The following TENM1 variants were observed in gnomAD, a reference collection of about 807,000 sequenced individuals.
The protein encoded by TENM1 is teneurin-1.
TENM1 carries 35 observed loss-of-function variants against 174.8 expected under a neutral mutation model. The observed-to-expected ratio is 0.20, with a 90% confidence interval of 0.15 to 0.27. The LOEUF (loss-of-function observed/expected upper bound fraction) is 0.27, where lower values mean the gene tolerates loss of function less well. Ranked by LOEUF, TENM1 falls within the 10% of genes least tolerant of loss-of-function variation. The pLI, the probability that TENM1 is intolerant of heterozygous loss-of-function variation, is 1.00. For missense variants in TENM1, 1,633 were observed against 2,130.1 expected (o/e 0.77, Z 4.59); for synonymous variants, 781 against 798.7 (o/e 0.98, Z 0.37).
At chrX:124,964,949 A>C (rs778405634), upstream of TENM1, among the ~76,000 whole-genome samples, 1 of 112,275 alleles carries the variant, frequency 8.9e-6, no homozygotes, top group African/African-American at 3.2e-5. Flanking sequence ...TATCATGTAC[A>C]CTATCTCATA....
chrX:124,652,726 C>T (rs753407460), intron 7 of TENM1, among the ~76,000 whole-genome samples: 27 of 111,370 alleles, frequency 2.4e-4, no homozygotes, highest in African/African-American at 7.9e-4. Context: ...TAATTTACTA[C>T]GTTTGTGGGT....
intron 3 of TENM1, among the ~76,000 whole-genome samples, chrX:124,886,522 C>CATATAT (rs3056632): frequency 8.0e-4 from 60 of 74,911 alleles, no homozygotes; most frequent in South Asian, 3.4e-3. Context: ...AAAACATATA[C>CATATAT]ATATATATAT....
chrX:124,721,604 G>C (rs1018791170), intron 4 of TENM1, among the ~76,000 whole-genome samples: 5 of 111,935 alleles, frequency 4.5e-5, no homozygotes, highest in Admixed American at 3.8e-4. Context: ...AAGACAAAAA[G>C]AGATGGCGTG....
the TENM1 span, among the ~76,000 whole-genome samples, chrX:125,064,079 A>C: frequency 9.6e-6 from 1 of 103,687 alleles, no homozygotes; most frequent in Non-Finnish European, 2.0e-5. Context: ...CAAACACCAC[A>C]TGTTCTCACT....
the TENM1 span, among the ~76,000 whole-genome samples, chrX:125,111,828 C>T: frequency 9.0e-6 from 1 of 111,061 alleles, no homozygotes; most frequent in Non-Finnish European, 1.9e-5. Flanking sequence ...AGAAAAGAAT[C>T]GAGAATAACT....
chrX:124,402,249 G>A (rs770608751), intron 27 of TENM1, among the ~76,000 whole-genome samples: 5 of 112,135 alleles, frequency 4.5e-5, no homozygotes, highest in Non-Finnish European at 1.9e-5. Context: ...CTAAACATAT[G>A]TAAATGATTG....
chrX:124,838,326 A>T (rs2056431393), intron 3 of TENM1, among the ~76,000 whole-genome samples: 1 of 112,287 alleles, frequency 8.9e-6, no homozygotes, highest in South Asian at 3.7e-4. Flanking sequence ...ATATTTACAG[A>T]AACTATCTGA....
intron 14 of TENM1, among the ~76,000 whole-genome samples, chrX:124,548,759 C>T (rs1366316995): frequency 1.8e-5 from 2 of 111,152 alleles, no homozygotes; most frequent in Non-Finnish European, 3.8e-5. Context: ...TCTCTCTCCC[C>T]CACTTGTCTG....
At chrX:125,148,957 G>A in the TENM1 span, among the ~76,000 whole-genome samples, 1 of 111,567 alleles carries the variant, frequency 9.0e-6, no homozygotes, top group Non-Finnish European at 1.9e-5. Context: ...ACTGCTAACA[G>A]AATTTTCTCT....
At chrX:124,527,679 C>T (rs1263820541) in intron 16 of TENM1, among the ~76,000 whole-genome samples, 5 of 97,769 alleles carry the variant, frequency 5.1e-5, no homozygotes, top group South Asian at 5.2e-4. Context: ...GACAGAGTCT[C>T]GCTTTGTTGC....
chrX:124,480,591 A>C (rs1379819699), intron 22 of TENM1, among the ~76,000 whole-genome samples: 2 of 112,185 alleles, frequency 1.8e-5, no homozygotes, highest in African/African-American at 6.5e-5. Context: ...ATATGCATGG[A>C]AAAGTCTAGA....
At chrX:125,130,890 C>T in the TENM1 span, among the ~76,000 whole-genome samples, 3 of 110,674 alleles carry the variant, frequency 2.7e-5, no homozygotes, top group Non-Finnish European at 3.8e-5. Flanking sequence ...GGGAGACACT[C>T]GGTAAATAAA....
chrX:124,383,414 C>T (rs1394005772), intron 30 of TENM1, among the ~76,000 whole-genome samples: 1 of 111,885 alleles, frequency 8.9e-6, no homozygotes, highest in Non-Finnish European at 1.9e-5. Flanking sequence ...GAGTAAAACA[C>T]AGAAACAGCT....
In TENM1 at chrX:124,496,940, G is replaced by A. The variant is rs3788774; in HGVS notation, c.3695+76C>T. ...ACTACATTTTCTGCTTCTACTGGCAGTGCTTTGTCTTTTCATATTATCTTG... is the reference window on the plus strand; with the variant it reads ...ACTACATTTTCTGCTTCTACTGGCAATGCTTTGTCTTTTCATATTATCTTG... On this transcript the variant is annotated intron_variant, in intron 20 of 31. Coordinates refer to ENST00000422452, the Ensembl canonical transcript of TENM1. The A allele has an allele frequency of 0.2, 220,503 of 1,085,137 alleles. 17,205 individuals are homozygous for A. Among genetic ancestry groups the A allele is most frequent in the African/African-American group, 0.45 (24,243 of 54,188 alleles). 89.4% of individuals were successfully genotyped at this position (1,085,137 alleles called of 1,213,427 possible).
At chrX:125,090,695 A>C in the TENM1 span, among the ~76,000 whole-genome samples, 1 of 111,107 alleles carries the variant, frequency 9.0e-6, no homozygotes, top group Admixed American at 9.5e-5. Flanking sequence ...AATATGTAGG[A>C]CTTAATGCTG....
chrX:124,602,421 T>C (rs2050050392), intron 11 of TENM1, among the ~76,000 whole-genome samples: 1 of 111,486 alleles, frequency 9.0e-6, no homozygotes. Flanking sequence ...GCCTGTATTA[T>C]CTTCCTCACC....
At chrX:124,494,023 C>T (rs1371997977) in intron 20 of TENM1, among the ~76,000 whole-genome samples, 2 of 111,205 alleles carry the variant, frequency 1.8e-5, no homozygotes, top group African/African-American at 6.5e-5. Flanking sequence ...GAAGATTTCC[C>T]CAGCTAGGTG....
the TENM1 span, among the ~76,000 whole-genome samples, chrX:125,197,167 G>A: frequency 2.7e-5 from 3 of 111,717 alleles, no homozygotes; most frequent in African/African-American, 9.7e-5. Flanking sequence ...TATTTTGGCT[G>A]TTTAAAAACC....
At chrX:124,494,615 ACT>A (rs1348596103) in intron 20 of TENM1, among the ~76,000 whole-genome samples, 1 of 108,385 alleles carries the variant, frequency 9.2e-6, no homozygotes, top group East Asian at 2.9e-4. Flanking sequence ...GCACCCACTA[ACT>A]CGTCATCTAG....
Sources: gnomAD v4.1 joint callset for allele counts (sites outside exome capture counted in the v4.1 genomes callset) on GRCh38, gnomAD v4.1.1 for gene constraint, MANE v1.5 for transcripts, NCBI Gene and HGNC (gene_info 2026-07-23, HGNC 2026-07-21) for gene names.